Variants in SDC3 observed in about 807,000 individuals in gnomAD.
SDC3 encodes syndecan 3.
A neutral mutation model predicts 24.4 loss-of-function variants in SDC3; 13 were observed. That is an observed-to-expected ratio of 0.53 (90% CI 0.35 to 0.85). SDC3 has a LOEUF of 0.85. SDC3 is among the 40% of genes least tolerant of loss of function. SDC3 has a pLI of 0.01. For synonymous variants in SDC3, 295 were observed against 260.9 expected (o/e 1.13, Z -1.26); for missense variants, 571 against 584.5 (o/e 0.98, Z 0.24).
chr1:30,878,312 T>C, intron 2 of SDC3: 1 of 274,158 alleles, frequency 3.6e-6, no homozygotes, highest in East Asian at 7.7e-5. Flanking sequence ...CACAGCTTAT[T>C]GCACCTGACG....
At chr1:30,880,975 C>T (rs984983158) in intron 1 of SDC3, among the ~76,000 whole-genome samples, 38 of 150,580 alleles carry the variant, frequency 2.5e-4, no homozygotes, top group Middle Eastern at 6.8e-3. Context: ...AAACACAACC[C>T]CCCCATGCCT....
chr1:30,892,313 A>C (rs1639918030), intron 1 of SDC3, among the ~76,000 whole-genome samples: 1 of 152,046 alleles, frequency 6.6e-6, no homozygotes, highest in Admixed American at 6.5e-5. Context: ...GAGCATCCCC[A>C]GGCAGGATCA....
At chr1:30,888,249 T>C (rs902729633) in intron 1 of SDC3, among the ~76,000 whole-genome samples, 4 of 152,172 alleles carry the variant, frequency 2.6e-5, no homozygotes, top group African/African-American at 9.7e-5. Flanking sequence ...GATTCAGGAC[T>C]GGAGCAGGGA....
intron 3 of SDC3, 100 bp downstream of exon 3, chr1:30,876,452 T>G: frequency 9.5e-7 from 1 of 1,057,714 alleles, no homozygotes; most frequent in East Asian, 2.6e-5. Context: ...CTCATCTCTA[T>G]AGCCTCCTGG....
rs1222953334 is a variant in SDC3 at position 30,872,267 on chromosome 1, G to T, written c.*944C>A. On this transcript the variant is annotated 3_prime_UTR_variant, in exon 5 of 5. Transcript: ENST00000339394. The stretch of plus-strand genomic sequence containing the variant: ...GGTGCCAGAGTGTGGGTGTATTTGG[G>T]GTAGGAGGAGGCCACACTGTCACTG... 1.3e-5 allele frequency: 2 copies of T among 152,304 alleles called. No individual in the cohort carries two copies. The highest frequency in any genetic ancestry group is 6.5e-5 in the Admixed American group (1 of 15,292). 9.4% of individuals were successfully genotyped at this position (152,304 alleles called of 1,614,324 possible). A position where few individuals can be genotyped will look rare whatever the true frequency, so the allele number is the denominator to read the frequency against.
At chr1:30,874,703 T>C (rs1639609583) in intron 3 of SDC3, 115 bp from the exon 4 acceptor site, 1 of 911,816 alleles carries the variant, frequency 1.1e-6, no homozygotes, top group African/African-American at 1.7e-5. Context: ...CCAGGCACTG[T>C]GCTACACACT....
At chr1:30,899,344 CAAAG>C (rs2124340846) in intron 1 of SDC3, among the ~76,000 whole-genome samples, 1 of 152,268 alleles carries the variant, frequency 6.6e-6, no homozygotes, top group Non-Finnish European at 1.5e-5. Flanking sequence ...CTCGGCCTCC[CAAAG>C]TGTTGGGATT....
chr1:30,886,193 G>A (rs1367487569), intron 1 of SDC3, among the ~76,000 whole-genome samples: 2 of 151,236 alleles, frequency 1.3e-5, no homozygotes, highest in African/African-American at 4.9e-5. Context: ...CCTGCTTCCT[G>A]GAATACCTTT....
At chr1:30,889,855 A>T (rs1298272882) in intron 1 of SDC3, among the ~76,000 whole-genome samples, 1 of 152,222 alleles carries the variant, frequency 6.6e-6, no homozygotes, top group Non-Finnish European at 1.5e-5. Context: ...TAGGGTATAT[A>T]TTCAAGAAAA....
chr1:30,890,830 C>A (rs1208059700), intron 1 of SDC3, among the ~76,000 whole-genome samples: 5 of 152,188 alleles, frequency 3.3e-5, no homozygotes, highest in Admixed American at 6.5e-5. Context: ...TGAACATCTT[C>A]TTACCAAGCC....
chr1:30,891,112 A>G (rs1639898182), intron 1 of SDC3, among the ~76,000 whole-genome samples: 1 of 151,952 alleles, frequency 6.6e-6, no homozygotes, highest in Non-Finnish European at 1.5e-5. Flanking sequence ...CCCTTTGACC[A>G]TGTGCCTCAC....
rs763350109 is a variant in SDC3, at chr1:30,878,634, G to A, written c.245C>T (p.Ser82Leu). Reference protein sequence around the residue: ...DDELDDLYSGSGSGYFEQESG... With the variant: ...DDELDDLYSGLGSGYFEQESG... ...AGGGGGGTACTTACAGCCCGAGCCC[G>A]ACCCCGAGTAGAGGTCATCCAGTTC... The change falls in exon 2 of 5, where the codon TCG (serine) becomes TTG (leucine). Residue 82 changes from serine to leucine, a missense_variant. By Grantham distance (145) the Ser-to-Leu change is moderately radical. Around this residue, in one of 2 missense-constraint regions of SDC3, gnomAD observed 497 missense variants for 471.6 expected, o/e 1.05. Transcript: ENST00000339394. 11 of 1,613,600 alleles carry A rather than the reference G, an allele frequency of 6.8e-6. No individual in the cohort carries two copies. The highest frequency in any genetic ancestry group is 1.1e-5 in the South Asian group (1 of 91,064).
chr1:30,874,266 G>A, intron 4 of SDC3, 31 bp downstream of exon 4: 1 of 1,557,472 alleles, frequency 6.4e-7, no homozygotes, highest in Non-Finnish European at 8.7e-7. Flanking sequence ...TATCCTCCCA[G>A]GCTCCCCTTG....
At chr1:30,900,809 T>C (rs922130239) in intron 1 of SDC3, among the ~76,000 whole-genome samples, 1 of 149,636 alleles carries the variant, frequency 6.7e-6, no homozygotes, top group Non-Finnish European at 1.5e-5. Context: ...CAGGCAGGGA[T>C]GGGGGAGGGC....
chr1:30,900,713 G>T (rs1425687481), intron 1 of SDC3, among the ~76,000 whole-genome samples: 1 of 152,172 alleles, frequency 6.6e-6, no homozygotes, highest in South Asian at 2.1e-4. Context: ...GCCCGCAATC[G>T]AATTGGCAAT....
Position 30,870,015 on chromosome 1 carries a change from T to A in SDC3, c.*3196A>T. On this transcript the variant is annotated 3_prime_UTR_variant, in exon 5 of 5. Transcript: ENST00000339394. ...AATCTGTACAGTTTGCGGGCTTCTA[T>A]TTACAGGCAAGAGGCCTGGGGAGGC... is the stretch of plus-strand genomic sequence containing the variant. The A allele has an allele frequency of 2.5e-6, 1 of 397,700 alleles. No homozygotes were observed. Among genetic ancestry groups the A allele is most frequent in the Non-Finnish European group, 4.4e-6 (1 of 226,010 alleles). The allele number at this position is 397,700 out of a possible 1,614,324, so 24.6% of individuals were successfully genotyped here.
chr1:30,883,311 T>G (rs1173013897), intron 1 of SDC3, among the ~76,000 whole-genome samples: 2 of 152,202 alleles, frequency 1.3e-5, no homozygotes, highest in Non-Finnish European at 2.9e-5. Flanking sequence ...GCTAATCATG[T>G]TGCAAAAAGC....
At chr1:30,886,395 G>C (rs1003117963) in intron 1 of SDC3, among the ~76,000 whole-genome samples, 1 of 151,850 alleles carries the variant, frequency 6.6e-6, no homozygotes, top group Non-Finnish European at 1.5e-5. Context: ...CACCTCCCTG[G>C]TCCAAATTAG....
At position 30,908,447 on chromosome 1, in the gene SDC3, AC is replaced by A. The variant is rs1488376351; in HGVS notation, c.138+1del. The stretch of plus-strand genomic sequence containing the variant: ...GCGGGGATCCGGGCGCGTGTCACTC[AC>A]CCCCGCGGCGCGCCCCGCCAGCAGC... On this transcript the variant is annotated splice_donor_variant, in intron 1 of 4. Coordinates refer to ENST00000339394, the MANE Select transcript of SDC3 (RefSeq NM_014654.4). LOFTEE classifies it high-confidence loss of function. 1.9e-6 allele frequency: 2 copies of A among 1,029,376 alleles called. No individual in the cohort carries two copies. The highest frequency in any genetic ancestry group is 2.3e-6 in the Non-Finnish European group (2 of 857,372). 63.8% of individuals were successfully genotyped at this position (1,029,376 alleles called of 1,614,324 possible).
Sources: allele counts gnomAD v4.1 joint callset (sites outside exome capture counted in the v4.1 genomes callset), GRCh38; gene constraint gnomAD v4.1.1; regional missense constraint gnomAD v4.1.1; transcripts MANE v1.5; gene names NCBI Gene and HGNC (gene_info 2026-07-23, HGNC 2026-07-21).